KCNMB4: variants seen among roughly 807,000 people sequenced by gnomAD.
The protein encoded by KCNMB4 is calcium-activated potassium channel subunit beta-4.
A neutral mutation model predicts 20.7 loss-of-function variants in KCNMB4; 3 were observed. The observed-to-expected ratio is 0.14, with a 90% CI of 0.07 to 0.37. The LOEUF is 0.37. KCNMB4 is among the 10% of genes least tolerant of loss of function. The pLI, the probability that KCNMB4 is intolerant of heterozygous loss-of-function variation, is 1.00. For synonymous variants in KCNMB4, 110 were observed against 113.4 expected, an observed-to-expected ratio of 0.97 and a Z score of 0.19; for missense variants, 168 against 265.9, an observed-to-expected ratio of 0.63 and a Z score of 2.56.
At chr12:70,368,735 C>A (rs1883538510) in intron 1 of KCNMB4, among the ~76,000 whole-genome samples, 1 of 151,996 alleles carries the variant, frequency 6.6e-6, no homozygotes, top group Non-Finnish European at 1.5e-5. Flanking sequence ...GGTTCAAGCA[C>A]TAATAAATTT....
intron 1 of KCNMB4, among the ~76,000 whole-genome samples, chr12:70,396,945 T>C (rs1464899541): frequency 6.6e-6 from 1 of 152,210 alleles, no homozygotes; most frequent in Non-Finnish European, 1.5e-5. Flanking sequence ...GATGATACAC[T>C]AAGTGAATTG....
chr12:70,393,866 C>T (rs1242206260), intron 1 of KCNMB4, among the ~76,000 whole-genome samples: 1 of 152,056 alleles, frequency 6.6e-6, no homozygotes, highest in Non-Finnish European at 1.5e-5. Flanking sequence ...CTCAGTCTTT[C>T]TGGAACATCC....
intron 1 of KCNMB4, among the ~76,000 whole-genome samples, chr12:70,371,557 A>T (rs75803225): frequency 0.013 from 1,913 of 152,266 alleles, 44 homozygotes; most frequent in African/African-American, 0.043. Context: ...AATTGTGATG[A>T]CTTCTTTGTA....
chr12:70,375,479 T>TTAA (rs1555210743), intron 1 of KCNMB4, among the ~76,000 whole-genome samples: 2 of 146,976 alleles, frequency 1.4e-5, no homozygotes, highest in East Asian at 4.0e-4. Context: ...CTACAAAAAT[T>TTAA]AAAAAAAAAA....
chr12:70,391,644 A>G (rs1213808686), intron 1 of KCNMB4, among the ~76,000 whole-genome samples: 2 of 152,170 alleles, frequency 1.3e-5, no homozygotes, highest in African/African-American at 4.8e-5. Flanking sequence ...TTTATAAAGG[A>G]CACAGAGAAG....
At chr12:70,423,111 T>C (rs1565867246) in intron 2 of KCNMB4, among the ~76,000 whole-genome samples, 1 of 152,336 alleles carries the variant, frequency 6.6e-6, no homozygotes, top group East Asian at 1.9e-4. Context: ...TGCTACTGAA[T>C]TATTTTTTTC....
chr12:70,417,204 C>A (rs1053631878), intron 2 of KCNMB4, among the ~76,000 whole-genome samples: 7 of 152,160 alleles, frequency 4.6e-5, no homozygotes, highest in Non-Finnish European at 1.5e-5. Context: ...AATTAGGGAA[C>A]AAATTACTGT....
intron 1 of KCNMB4, among the ~76,000 whole-genome samples, chr12:70,384,017 C>T (rs886447109): frequency 7.9e-5 from 12 of 152,076 alleles, no homozygotes; most frequent in Non-Finnish European, 1.8e-4. Context: ...TGCAGTGAGC[C>T]GAGACCGTGC....
intron 1 of KCNMB4, among the ~76,000 whole-genome samples, chr12:70,389,536 A>G (rs909129753): frequency 6.6e-6 from 1 of 152,162 alleles, no homozygotes; most frequent in African/African-American, 2.4e-5. Context: ...TCTACAAAAA[A>G]TACAAAAATT....
intron 2 of KCNMB4, among the ~76,000 whole-genome samples, chr12:70,418,307 T>C (rs1246804035): frequency 4.6e-5 from 7 of 152,272 alleles, no homozygotes; most frequent in Non-Finnish European, 7.4e-5. Context: ...TGTGATTATA[T>C]CTCTTTTCTG....
At chr12:70,392,504 A>G (rs531129332) in intron 1 of KCNMB4, among the ~76,000 whole-genome samples, 2 of 152,358 alleles carry the variant, frequency 1.3e-5, no homozygotes, top group African/African-American at 4.8e-5. Context: ...AAAGGATTAT[A>G]AATCATTCTA....
intron 1 of KCNMB4, among the ~76,000 whole-genome samples, chr12:70,369,783 A>G (rs952223647): frequency 1.3e-5 from 2 of 152,218 alleles, no homozygotes; most frequent in Non-Finnish European, 2.9e-5. Context: ...TTGAGTTCCT[A>G]CTGAATTTAT....
At chr12:70,413,591 C>G (rs1030448773) in intron 2 of KCNMB4, among the ~76,000 whole-genome samples, 1 of 152,138 alleles carries the variant, frequency 6.6e-6, no homozygotes, top group South Asian at 2.1e-4. Flanking sequence ...CTAGAAGTCA[C>G]CGGAAACACA....
At chr12:70,372,889 C>T (rs1017141698) in intron 1 of KCNMB4, among the ~76,000 whole-genome samples, 4 of 151,600 alleles carry the variant, frequency 2.6e-5, no homozygotes, top group Non-Finnish European at 5.9e-5. Flanking sequence ...GCTATAAGTC[C>T]GAGGATGAAC....
At chr12:70,388,890 T>C (rs750412902) in intron 1 of KCNMB4, among the ~76,000 whole-genome samples, 1 of 152,156 alleles carries the variant, frequency 6.6e-6, no homozygotes, top group Non-Finnish European at 1.5e-5. Context: ...GTACTTTTAT[T>C]TGAGGGTAAG....
chr12:70,377,162 T>C (rs1883702220), intron 1 of KCNMB4, among the ~76,000 whole-genome samples: 1 of 152,082 alleles, frequency 6.6e-6, no homozygotes, highest in South Asian at 2.1e-4. Context: ...TTGCATAAAT[T>C]GACGAGCTGA....
At chr12:70,424,914 A>G (rs1448861626) in intron 2 of KCNMB4, among the ~76,000 whole-genome samples, 4 of 152,194 alleles carry the variant, frequency 2.6e-5, no homozygotes, top group East Asian at 3.9e-4. Context: ...GATTGCCTCA[A>G]ACAACAACTA....
intron 2 of KCNMB4, among the ~76,000 whole-genome samples, chr12:70,406,285 G>A (rs887951525): frequency 1.3e-5 from 2 of 152,068 alleles, no homozygotes; most frequent in Non-Finnish European, 2.9e-5. Context: ...ATTGAAGAGG[G>A]TATATCTCAT....
intron 1 of KCNMB4, among the ~76,000 whole-genome samples, chr12:70,381,380 A>G (rs1308202318): frequency 6.6e-6 from 1 of 152,204 alleles, no homozygotes; most frequent in African/African-American, 2.4e-5. Flanking sequence ...TTTCCTAATT[A>G]TATATCCAAG....
Sources: allele counts gnomAD v4.1 joint callset (sites outside exome capture counted in the v4.1 genomes callset), GRCh38; gene constraint gnomAD v4.1.1; transcripts MANE v1.5; gene names NCBI Gene and HGNC (gene_info 2026-07-23, HGNC 2026-07-21).